The following NFILZ variants were observed in gnomAD, a reference collection of about 807,000 sequenced individuals.
The protein encoded by NFILZ is NFIL3 like basic leucine zipper.
At chr19:8,664,216 C>G (rs1161057393) in intron 3 of NFILZ, among the ~76,000 whole-genome samples, 1 of 152,184 alleles carries the variant, frequency 6.6e-6, no homozygotes, top group Non-Finnish European at 1.5e-5. Flanking sequence ...TACCGGGTTA[C>G]CTGTTCAGCC....
At chr19:8,656,493 C>T (rs1321298449) in intron 3 of NFILZ, among the ~76,000 whole-genome samples, 43 of 80,264 alleles carry the variant, frequency 5.4e-4, no homozygotes, top group Non-Finnish European at 7.0e-4. Flanking sequence ...AGCCCACCTT[C>T]TCCCGCAGCC....
At chr19:8,634,005 C>CT (rs879968611) in intron 2 of NFILZ, among the ~76,000 whole-genome samples, 10 of 130,384 alleles carry the variant, frequency 7.7e-5, no homozygotes, top group East Asian at 2.3e-4. Context: ...TTCTTGTTTC[C>CT]TTTTTTTTTT....
intron 3 of NFILZ, among the ~76,000 whole-genome samples, chr19:8,640,427 A>G (rs1555746562): frequency 6.6e-6 from 1 of 151,524 alleles, no homozygotes; most frequent in African/African-American, 2.4e-5. Context: ...ATAACACAGC[A>G]TAGAGCGTGA....
At chr19:8,646,529 G>A (rs773626749) in intron 3 of NFILZ, among the ~76,000 whole-genome samples, 1 of 152,088 alleles carries the variant, frequency 6.6e-6, no homozygotes, top group Non-Finnish European at 1.5e-5. Flanking sequence ...TCCCAGTAAT[G>A]CCAGAGGCTG....
At chr19:8,654,879 C>T (rs140699351) in intron 3 of NFILZ, among the ~76,000 whole-genome samples, 4 of 152,222 alleles carry the variant, frequency 2.6e-5, no homozygotes, top group Non-Finnish European at 5.9e-5. Flanking sequence ...GCAAGGCTCC[C>T]ACTCTGCCCC....
chr19:8,660,260 G>C (rs1014345340), intron 3 of NFILZ, among the ~76,000 whole-genome samples: 2 of 152,198 alleles, frequency 1.3e-5, no homozygotes, highest in Middle Eastern at 3.4e-3. Flanking sequence ...GGTGTTGTGA[G>C]AATTAAACAA....
intron 3 of NFILZ, among the ~76,000 whole-genome samples, chr19:8,642,524 C>T: frequency 6.6e-6 from 1 of 152,046 alleles, no homozygotes; most frequent in East Asian, 1.9e-4. Context: ...TTGCTTGGGC[C>T]CATGCATGTG....
chr19:8,667,013 G>C (rs368781259), intron 3 of NFILZ, among the ~76,000 whole-genome samples: 1 of 150,478 alleles, frequency 6.6e-6, no homozygotes, highest in Admixed American at 6.7e-5. Flanking sequence ...GCCTCCCAAA[G>C]TGTTGGCATT....
At chr19:8,649,492 C>A (rs1215804103) in intron 3 of NFILZ, among the ~76,000 whole-genome samples, 2 of 152,036 alleles carry the variant, frequency 1.3e-5, no homozygotes, top group African/African-American at 2.4e-5. Context: ...GTCTTGAACT[C>A]CTGACCTCAG....
intron 3 of NFILZ, among the ~76,000 whole-genome samples, chr19:8,656,492 T>TCTCCTGAAGCCCACCTC (rs1600147808): frequency 4.4e-5 from 1 of 22,580 alleles, no homozygotes; most frequent in Non-Finnish European, 1.2e-4. Context: ...CAGCCCACCT[T>TCTCCTGAAGCCCACCTC]CTCCCGCAGC....
intron 3 of NFILZ, among the ~76,000 whole-genome samples, chr19:8,657,152 C>CT (rs34354336): frequency 0.021 from 3,103 of 145,248 alleles, 45 homozygotes; most frequent in Non-Finnish European, 0.036. Flanking sequence ...TTGGCGATTG[C>CT]TTTTTTTTTT....
intron 2 of NFILZ, among the ~76,000 whole-genome samples, chr19:8,635,443 C>T (rs2042890411): frequency 6.6e-6 from 1 of 152,130 alleles, no homozygotes; most frequent in South Asian, 2.1e-4. Flanking sequence ...CTGCTGACTT[C>T]CTCTCTGTTG....
rs868938606 is a variant in NFILZ, at chr19:8,677,274, C to T, written c.509C>T (p.Ser170Phe). ...RWTGLATSPRSPQESASPTLN... is the reference protein window; with the variant it reads ...RWTGLATSPRFPQESASPTLN... The stretch of plus-strand genomic sequence containing the variant: ...ACTGGCTTGGCCACTTCTCCTAGGT[C>T]CCCCCAAGAGTCTGCATCTCCTACC... The change falls in exon 6 of 6, where the codon TCC becomes TTC. Residue 170 changes from serine (S) to phenylalanine (F), a missense_variant. Coordinates refer to ENST00000691075, the MANE Select transcript of NFILZ (RefSeq NM_001378600.1). 5.9e-5 allele frequency among the ~76,000 whole-genome samples: 9 copies of T among 152,308 alleles called. No homozygotes were observed. Among genetic ancestry groups the T allele is most frequent in the East Asian group, 1.9e-4 (1 of 5,176 alleles).
At chr19:8,637,419 C>G (rs1001455475) in intron 3 of NFILZ, among the ~76,000 whole-genome samples, 1 of 152,070 alleles carries the variant, frequency 6.6e-6, no homozygotes, top group Non-Finnish European at 1.5e-5. Context: ...TCGAGACCAG[C>G]CTGACCAACA....
chr19:8,631,378 C>G (rs139899353), intron 1 of NFILZ, among the ~76,000 whole-genome samples: 2 of 152,130 alleles, frequency 1.3e-5, no homozygotes, highest in East Asian at 3.9e-4. Context: ...GGGGGTCAGC[C>G]CAGGCAGGGC....
Position 8,678,186 on chromosome 19 carries a change from C to CATCT in NFILZ, c.*554_*555insTATC, listed in dbSNP as rs2043127130. Among the ~76,000 whole-genome samples, 1 of 87,150 alleles carries CATCT rather than the reference C, an allele frequency of 1.1e-5. No homozygotes were observed. The highest frequency in any genetic ancestry group is 2.4e-5 in the Non-Finnish European group (1 of 40,910). The allele number at this position is 87,150 out of a possible 152,430, so 57.2% of individuals were successfully genotyped here. ...CCATCCATCCATCCATCCATCCATC[C>CATCT]ATCCGTCCATCTATCCATCCATCCA... On this transcript the variant is annotated 3_prime_UTR_variant, in exon 6 of 6. Coordinates refer to ENST00000691075, the MANE Select transcript of NFILZ (RefSeq NM_001378600.1).
chr19:8,648,778 G>T (rs576411771), intron 3 of NFILZ, among the ~76,000 whole-genome samples: 2 of 151,776 alleles, frequency 1.3e-5, no homozygotes, highest in South Asian at 2.1e-4. Context: ...GCTTGAACCT[G>T]GGAGGTGGAG....
At chr19:8,658,817 G>T (rs980098465) in intron 3 of NFILZ, among the ~76,000 whole-genome samples, 1 of 152,206 alleles carries the variant, frequency 6.6e-6, no homozygotes, top group South Asian at 2.1e-4. Flanking sequence ...GGGCGCAGTG[G>T]CTCATGCCTG....
chr19:8,637,108 AC>A (rs2042898171), intron 3 of NFILZ, among the ~76,000 whole-genome samples: 1 of 152,096 alleles, frequency 6.6e-6, no homozygotes, highest in Non-Finnish European at 1.5e-5. Context: ...GGTGGCTCAT[AC>A]CTGTAGTCCC....
Sources: gnomAD v4.1 joint callset for allele counts (sites outside exome capture counted in the v4.1 genomes callset) on GRCh38, gnomAD v4.1.1 for gene constraint, MANE v1.5 for transcripts, NCBI Gene and HGNC (gene_info 2026-07-23, HGNC 2026-07-21) for gene names.